CPNE8: variants seen among roughly 807,000 people sequenced by gnomAD.
CPNE8 encodes copine 8, also known as copine-8.
In CPNE8, 45 loss-of-function variants were observed where a neutral mutation model predicts 81.5. That is an observed-to-expected ratio of 0.55 (90% CI 0.44 to 0.71). The LOEUF (loss-of-function observed/expected upper bound fraction) is 0.71, where lower values mean the gene tolerates loss of function less well. Among genes scored for constraint, CPNE8 ranks in the 30% least tolerant of loss-of-function variants. CPNE8 has a pLI of 0.00. For missense variants in CPNE8, 594 were observed against 672.1 expected (o/e 0.88, Z 1.28); for synonymous variants, 252 against 226.3 (o/e 1.11, Z -1.02).
intron 6 of CPNE8, among the ~76,000 whole-genome samples, chr12:38,815,684 A>G (rs1943012652): frequency 6.6e-6 from 1 of 152,204 alleles, no homozygotes; most frequent in Admixed American, 6.5e-5. Flanking sequence ...TTAAAACACT[A>G]TGCTCATCAA....
At chr12:38,829,507 G>T (rs1592124823) in intron 5 of CPNE8, 52 bp from the exon 6 acceptor site, 1 of 1,289,598 alleles carries the variant, frequency 7.8e-7, no homozygotes, top group East Asian at 2.3e-5. Context: ...TATCTTTACA[G>T]TATATGTTTT....
chr12:38,782,807 A>ATACACATAT, intron 6 of CPNE8, among the ~76,000 whole-genome samples: 1 of 152,110 alleles, frequency 6.6e-6, no homozygotes, highest in African/African-American at 2.4e-5. Context: ...CAGCCTTCCA[A>ATACACATAT]GTAGCTAGGA....
chr12:38,724,726 A>C, intron 12 of CPNE8, 120 bp downstream of exon 12: 1 of 649,088 alleles, frequency 1.5e-6, no homozygotes, highest in Admixed American at 3.4e-5. Context: ...TCATATTAAA[A>C]CCCTGAGTGA....
intron 1 of CPNE8, among the ~76,000 whole-genome samples, chr12:38,890,321 A>G (rs190259391): frequency 6.6e-6 from 1 of 152,218 alleles, no homozygotes; most frequent in African/African-American, 2.4e-5. Context: ...TTAGGAAATT[A>G]CTTAGGCCAT....
At chr12:38,893,923 TG>T (rs1171454385) in intron 1 of CPNE8, among the ~76,000 whole-genome samples, 1 of 152,236 alleles carries the variant, frequency 6.6e-6, no homozygotes, top group African/African-American at 2.4e-5. Context: ...TAGCCTTTTT[TG>T]TTTGTTTTAT....
intron 10 of CPNE8, among the ~76,000 whole-genome samples, chr12:38,755,777 A>C (rs1023361144): frequency 6.6e-6 from 1 of 152,072 alleles, no homozygotes; most frequent in African/African-American, 2.4e-5. Context: ...GCGGTGGCTC[A>C]CGCCTGTAAT....
chr12:38,851,610 C>G (rs550093956), intron 3 of CPNE8, among the ~76,000 whole-genome samples: 30 of 152,166 alleles, frequency 2.0e-4, no homozygotes, highest in Non-Finnish European at 3.2e-4. Flanking sequence ...CTTTTCTTCC[C>G]TCTTATGGTC....
intron 6 of CPNE8, among the ~76,000 whole-genome samples, chr12:38,826,951 C>T (rs1363832469): frequency 2.0e-5 from 3 of 148,564 alleles, no homozygotes; most frequent in Non-Finnish European, 4.4e-5. Context: ...GGGCAGATCA[C>T]GAGGTCAGGA....
intron 19 of CPNE8, among the ~76,000 whole-genome samples, chr12:38,664,447 A>G (rs1407385455): frequency 6.6e-6 from 1 of 152,106 alleles, no homozygotes; most frequent in Non-Finnish European, 1.5e-5. Flanking sequence ...CAATTTGTTA[A>G]TAGTTTTCAA....
At chr12:38,743,380 C>T (rs1160103332) in intron 10 of CPNE8, among the ~76,000 whole-genome samples, 1 of 151,946 alleles carries the variant, frequency 6.6e-6, no homozygotes, top group Non-Finnish European at 1.5e-5. Context: ...TTAAAATGCT[C>T]TAATTTTTAG....
intron 3 of CPNE8, among the ~76,000 whole-genome samples, chr12:38,861,452 A>G (rs1375265502): frequency 6.6e-6 from 1 of 152,178 alleles, no homozygotes; most frequent in Non-Finnish European, 1.5e-5. Context: ...TTCAAACACA[A>G]AAACAAATTG....
At chr12:38,841,241 C>T (rs184304183) in intron 4 of CPNE8, among the ~76,000 whole-genome samples, 2 of 152,152 alleles carry the variant, frequency 1.3e-5, no homozygotes, top group East Asian at 1.9e-4. Flanking sequence ...AGGCAGACAA[C>T]ACCTGAACAA....
At chr12:38,718,589 T>A (rs1940469453) in intron 13 of CPNE8, among the ~76,000 whole-genome samples, 1 of 152,148 alleles carries the variant, frequency 6.6e-6, no homozygotes, top group Non-Finnish European at 1.5e-5. Flanking sequence ...CTGCACAGAT[T>A]TGGGGAATAT....
At chr12:38,777,109 A>G (rs996914763) in intron 6 of CPNE8, among the ~76,000 whole-genome samples, 2 of 151,818 alleles carry the variant, frequency 1.3e-5, no homozygotes, top group Non-Finnish European at 2.9e-5. Flanking sequence ...CTGTTATCAC[A>G]GGAGACAACA....
At chr12:38,730,382 A>G (rs1220211862) in intron 10 of CPNE8, 24 bp from the exon 11 acceptor site, 1 of 1,286,774 alleles carries the variant, frequency 7.8e-7, no homozygotes, top group South Asian at 1.2e-5. Context: ...AAAAAAGTAC[A>G]TAATATTGGC....
In CPNE8 at chr12:38,767,586, C is replaced by T. The variant is rs139863608; in HGVS notation, c.575+49G>A. 9.6e-4 allele frequency: 1,014 copies of T among 1,051,022 alleles called. 5 individuals carry two copies. The African/African-American group carries it at 0.015, about 15-fold the overall frequency. 65.1% of individuals were successfully genotyped at this position (1,051,022 alleles called of 1,614,324 possible). ...TTCTCTGAGAAAAATAATTATAATT[C>T]AAGTATCATCATTACCATATAGTTG... On this transcript the variant is annotated intron_variant, in intron 8 of 19. Coordinates refer to ENST00000331366, the MANE Select transcript of CPNE8 (RefSeq NM_153634.3).
chr12:38,809,241 C>T (rs1425745600), intron 6 of CPNE8, among the ~76,000 whole-genome samples: 1 of 152,144 alleles, frequency 6.6e-6, no homozygotes, highest in Non-Finnish European at 1.5e-5. Context: ...AGGTGTCGGC[C>T]AGCTTGTGTT....
rs371107861 is a variant in CPNE8, at chr12:38,813,942, G to A, written c.407+15437C>T. 3.3e-5 allele frequency among the ~76,000 whole-genome samples: 5 copies of A among 152,140 alleles called. No individual in the cohort carries two copies. The East Asian group carries it at 5.8e-4, about 18-fold the overall frequency. On this transcript the variant is annotated intron_variant, in intron 6 of 19. Transcript: ENST00000331366. ...CAAATATGATAACTGCAAGCACCTG[G>A]GGTACATGACACGGAGGAGGTCCCT... is the stretch of plus-strand genomic sequence containing the variant.
At chr12:38,732,948 T>A (rs10876008) in intron 10 of CPNE8, among the ~76,000 whole-genome samples, 1 of 151,848 alleles carries the variant, frequency 6.6e-6, no homozygotes, top group Non-Finnish European at 1.5e-5. Flanking sequence ...GGAGAAAGTA[T>A]GTTGATCACA....
Sources: allele counts gnomAD v4.1 joint callset (sites outside exome capture counted in the v4.1 genomes callset), GRCh38; gene constraint gnomAD v4.1.1; transcripts MANE v1.5; gene names NCBI Gene and HGNC (gene_info 2026-07-23, HGNC 2026-07-21).